SH2D4A: variants seen among roughly 807,000 people sequenced by gnomAD.
The protein encoded by SH2D4A is SH2 domain-containing protein 4A.
SH2D4A carries 70 observed loss-of-function variants against 64.7 expected under a neutral mutation model. The observed-to-expected ratio is 1.08, with a 90% CI of 0.89 to 1.32. The LOEUF is 1.32. SH2D4A is among the 40% of genes most tolerant of loss of function. SH2D4A has a pLI of 0.00. For missense variants in SH2D4A, 706 were observed against 540.1 expected, an observed-to-expected ratio of 1.31 and a Z score of -3.04; for synonymous variants, 268 against 200.7, an observed-to-expected ratio of 1.34 and a Z score of -2.83.
chr8:19,359,445 C>G (rs2052844495), intron 5 of SH2D4A, among the ~76,000 whole-genome samples: 1 of 152,182 alleles, frequency 6.6e-6, no homozygotes, highest in African/African-American at 2.4e-5. Flanking sequence ...GATGTTTTCA[C>G]TATATGTTTC....
At chr8:19,356,261 G>A (rs1373889775) in intron 4 of SH2D4A, among the ~76,000 whole-genome samples, 2 of 152,240 alleles carry the variant, frequency 1.3e-5, no homozygotes, top group Non-Finnish European at 2.9e-5. Flanking sequence ...TTTGAGAAAA[G>A]GGGAAGATTG....
At chr8:19,322,299 C>T (rs1056419642) in intron 2 of SH2D4A, among the ~76,000 whole-genome samples, 2 of 152,178 alleles carry the variant, frequency 1.3e-5, no homozygotes, top group South Asian at 2.1e-4. Flanking sequence ...TGACAGGTCA[C>T]TCGTGCATCT....
intron 8 of SH2D4A, among the ~76,000 whole-genome samples, chr8:19,381,908 T>C (rs375358362): frequency 1.3e-5 from 2 of 152,194 alleles, no homozygotes; most frequent in Non-Finnish European, 2.9e-5. Flanking sequence ...CATGTATTTT[T>C]TTTTCATTTA....
At chr8:19,388,366 A>T (rs564759168) in intron 8 of SH2D4A, among the ~76,000 whole-genome samples, 1 of 152,352 alleles carries the variant, frequency 6.6e-6, no homozygotes, top group East Asian at 1.9e-4. Flanking sequence ...CACATTGAAC[A>T]GTGTGGTATG....
At chr8:19,372,735 C>G (rs527419592) in intron 7 of SH2D4A, among the ~76,000 whole-genome samples, 1 of 152,296 alleles carries the variant, frequency 6.6e-6, no homozygotes, top group South Asian at 2.1e-4. Flanking sequence ...GACTTACATC[C>G]TAGAACTTAG....
At chr8:19,389,068 A>C (rs1478572254) in intron 8 of SH2D4A, among the ~76,000 whole-genome samples, 1 of 152,170 alleles carries the variant, frequency 6.6e-6, no homozygotes, top group African/African-American at 2.4e-5. Context: ...GTCTAGGAGA[A>C]ACTGAGACTG....
At chr8:19,378,350 T>A (rs556045545) in intron 8 of SH2D4A, among the ~76,000 whole-genome samples, 3 of 152,334 alleles carry the variant, frequency 2.0e-5, no homozygotes, top group African/African-American at 7.2e-5. Context: ...CCATATTTTA[T>A]TTTTGCATAG....
chr8:19,363,675 G>C (rs772244041), intron 6 of SH2D4A: 42 of 279,158 alleles, frequency 1.5e-4, no homozygotes, highest in Non-Finnish European at 2.5e-4. Flanking sequence ...CACTGCATCT[G>C]AACATAAGTC....
In SH2D4A at chr8:19,319,473, C is replaced by T. The variant is rs563609885; in HGVS notation, c.-75C>T. On this transcript the variant is annotated 5_prime_UTR_variant, in exon 2 of 10. Coordinates refer to ENST00000265807, the MANE Select transcript of SH2D4A (RefSeq NM_022071.4). ...TTTCGTGGAAACGCCCAAGTGCCAG[C>T]ACAGGTGGAGGGACACCTGGAGGCC... 9.4e-6 allele frequency: 13 copies of T among 1,378,978 alleles called. No homozygotes were observed. The highest frequency in any genetic ancestry group is 6.2e-5 in the South Asian group (3 of 48,146). The allele number at this position is 1,378,978 out of a possible 1,614,324, so 85.4% of individuals were successfully genotyped here. A position where few individuals can be genotyped will look rare whatever the true frequency, so the allele number is the denominator to read the frequency against.
intron 4 of SH2D4A, among the ~76,000 whole-genome samples, chr8:19,341,123 T>C (rs2052522715): frequency 6.6e-6 from 1 of 152,196 alleles, no homozygotes; most frequent in Non-Finnish European, 1.5e-5. Context: ...CTATGACATA[T>C]TTAAAACAGA....
chr8:19,364,391 C>T, intron 7 of SH2D4A, 109 bp downstream of exon 7: 1 of 1,213,644 alleles, frequency 8.2e-7, no homozygotes, highest in Non-Finnish European at 1.2e-6. Context: ...GGAGGGCCAA[C>T]TGGCAGCCTG....
At position 19,395,178 on chromosome 8, in the gene SH2D4A, A is replaced by T. The variant is rs2053567862; in HGVS notation, c.*536A>T. ...AGACATAGAAAAACAGAAGTCATGAATGTAAATTGAATGAGAGGCTTAACA... is the reference window on the plus strand; with the variant it reads ...AGACATAGAAAAACAGAAGTCATGATTGTAAATTGAATGAGAGGCTTAACA... On this transcript the variant is annotated 3_prime_UTR_variant, in exon 10 of 10. Coordinates refer to ENST00000265807, the MANE Select transcript of SH2D4A (RefSeq NM_022071.4). 6.6e-6 allele frequency: 1 copy of T among 152,216 alleles called. No individual in the cohort carries two copies. The highest frequency in any genetic ancestry group is 2.1e-4 in the South Asian group (1 of 4,828). The allele number at this position is 152,216 out of a possible 1,614,324, so 9.4% of individuals were successfully genotyped here.
At chr8:19,325,705 G>T (rs752492308) in intron 2 of SH2D4A, among the ~76,000 whole-genome samples, 4 of 152,182 alleles carry the variant, frequency 2.6e-5, no homozygotes, top group Non-Finnish European at 5.9e-5. Context: ...GTAGTGCCAT[G>T]CAGGTTCCCC....
intron 2 of SH2D4A, among the ~76,000 whole-genome samples, chr8:19,322,875 A>G (rs978437112): frequency 1.3e-5 from 2 of 151,916 alleles, no homozygotes; most frequent in African/African-American, 4.8e-5. Context: ...GGGTTTCACC[A>G]TGTTGGCCAG....
intron 4 of SH2D4A, among the ~76,000 whole-genome samples, chr8:19,336,146 T>C (rs1351705995): frequency 2.0e-5 from 3 of 152,162 alleles, no homozygotes; most frequent in African/African-American, 7.2e-5. Context: ...CATTTGTCCA[T>C]TTTACAGCTG....
At chr8:19,315,875 A>C (rs1252920724) in intron 1 of SH2D4A, among the ~76,000 whole-genome samples, 1 of 152,194 alleles carries the variant, frequency 6.6e-6, no homozygotes, top group Non-Finnish European at 1.5e-5. Flanking sequence ...TTCGCTTCAC[A>C]GTAGATTATG....
chr8:19,367,477 C>T (rs1348568636), intron 7 of SH2D4A, among the ~76,000 whole-genome samples: 1 of 152,124 alleles, frequency 6.6e-6, no homozygotes, highest in Non-Finnish European at 1.5e-5. Flanking sequence ...TTTTGATGTG[C>T]ATTTCCCTGA....
chr8:19,333,736 A>G (rs1450592451), intron 3 of SH2D4A, among the ~76,000 whole-genome samples: 1 of 152,152 alleles, frequency 6.6e-6, no homozygotes, highest in Non-Finnish European at 1.5e-5. Context: ...GTACAAACAG[A>G]AAGTTTACCA....
At chr8:19,351,319 C>T (rs531069663) in intron 4 of SH2D4A, among the ~76,000 whole-genome samples, 2 of 152,104 alleles carry the variant, frequency 1.3e-5, no homozygotes, top group Non-Finnish European at 2.9e-5. Context: ...GAAACTAGAT[C>T]TCTGCTGGGC....
Sources: allele counts gnomAD v4.1 joint callset (sites outside exome capture counted in the v4.1 genomes callset), GRCh38; gene constraint gnomAD v4.1.1; transcripts MANE v1.5; gene names NCBI Gene and HGNC (gene_info 2026-07-23, HGNC 2026-07-21).